The following CD300A variants were observed in gnomAD, a reference collection of about 807,000 sequenced individuals.
CD300A encodes the protein CMRF35-like molecule 8.
A neutral mutation model predicts 33.6 loss-of-function variants in CD300A; 22 were observed. The observed-to-expected ratio is 0.66, with a 90% CI of 0.47 to 0.94. The LOEUF is 0.94. CD300A is among the 40% of genes least tolerant of loss of function. The pLI, the probability that CD300A is intolerant of heterozygous loss-of-function variation, is 0.00. For synonymous variants in CD300A, 136 were observed against 148.1 expected (o/e 0.92, Z 0.59); for missense variants, 326 against 360.5 (o/e 0.90, Z 0.77).
chr17:74,466,974 A>T, intron 1 of CD300A: 1 of 1,407,850 alleles, frequency 7.1e-7, no homozygotes, highest in Non-Finnish European at 9.2e-7. Flanking sequence ...GCTGAACCAC[A>T]GCGGGGCAAG....
At chr17:74,468,665 A>T (rs767542074) in intron 1 of CD300A, among the ~76,000 whole-genome samples, 1 of 151,542 alleles carries the variant, frequency 6.6e-6, no homozygotes, top group Non-Finnish European at 1.5e-5. Context: ...ATTTTTATTT[A>T]TTTTTTTGGA....
Position 74,466,761 on chromosome 17 carries a change from C to T in CD300A, c.40+18C>T, listed in dbSNP as rs1905735207. 6 of 1,581,296 alleles carry T rather than the reference C, an allele frequency of 3.8e-6. No individual in the cohort carries two copies. The highest frequency in any genetic ancestry group is 3.5e-5 in the South Asian group (3 of 86,678). Reference sequence around the variant, plus strand: ...GGTCCCAGGTGAGAGTTTCCCTTCCCGGGAAAGTCTGCGGCAGGGAGGGAG... The same window carrying T: ...GGTCCCAGGTGAGAGTTTCCCTTCCTGGGAAAGTCTGCGGCAGGGAGGGAG... On this transcript the variant is annotated intron_variant, in intron 1 of 6. Coordinates refer to ENST00000360141, the MANE Select transcript of CD300A (RefSeq NM_007261.4).
At chr17:74,476,854 C>A (rs902420039) in intron 3 of CD300A, among the ~76,000 whole-genome samples, 16 of 152,086 alleles carry the variant, frequency 1.1e-4, no homozygotes, top group Non-Finnish European at 1.5e-5. Context: ...CTAAGTAAAA[C>A]CAGAATAGTG....
chr17:74,469,688 G>C (rs1201798788), intron 1 of CD300A, among the ~76,000 whole-genome samples: 1 of 152,132 alleles, frequency 6.6e-6, no homozygotes, highest in Non-Finnish European at 1.5e-5. Flanking sequence ...GCCAGGCATG[G>C]TAGTGTGCAC....
chr17:74,466,762 G>A lies in CD300A; in HGVS notation c.40+19G>A, dbSNP rs1010996004. On this transcript the variant is annotated intron_variant, in intron 1 of 6. Coordinates refer to ENST00000360141, the MANE Select transcript of CD300A (RefSeq NM_007261.4). ...GTCCCAGGTGAGAGTTTCCCTTCCCGGGAAAGTCTGCGGCAGGGAGGGAGG... is the reference window on the plus strand; with the variant it reads ...GTCCCAGGTGAGAGTTTCCCTTCCCAGGAAAGTCTGCGGCAGGGAGGGAGG... 3 of 1,580,076 alleles carry A rather than the reference G, an allele frequency of 1.9e-6. No homozygotes were observed. The highest frequency in any genetic ancestry group is 1.3e-5 in the African/African-American group (1 of 74,404).
Position 74,484,235 on chromosome 17 carries a change from C to A in CD300A, c.*109C>A. ...CTCAGCCTGCCCTCGACAACAGTGA[C>A]CAACAGACAGGCAGCTGGGTTTCCC... On this transcript the variant is annotated 3_prime_UTR_variant, in exon 7 of 7. Transcript: ENST00000360141. The A allele has an allele frequency of 8.2e-7, 1 of 1,225,626 alleles. No homozygotes were observed. The highest frequency in any genetic ancestry group is 1.1e-6 in the Non-Finnish European group (1 of 877,456). The allele number at this position is 1,225,626 out of a possible 1,614,324, so 75.9% of individuals were successfully genotyped here.
chr17:74,474,466 G>A, intron 2 of CD300A, 66 bp from the exon 3 acceptor site: 1 of 1,536,076 alleles, frequency 6.5e-7, no homozygotes. Flanking sequence ...AAACCAAAAA[G>A]GCATCCTGAG....
intron 1 of CD300A, 196 bp downstream of exon 1, chr17:74,466,939 C>T: frequency 2.8e-6 from 4 of 1,442,448 alleles, no homozygotes; most frequent in South Asian, 2.9e-5. Flanking sequence ...CAGGGCCTCT[C>T]CCGGCTCTGC....
intron 1 of CD300A, among the ~76,000 whole-genome samples, chr17:74,469,780 A>G (rs1905972226): frequency 6.6e-6 from 1 of 152,182 alleles, no homozygotes; most frequent in Admixed American, 6.5e-5. Flanking sequence ...AGCCGAGATC[A>G]TGCCACTGAG....
rs1410796723 is a variant in CD300A at position 74,472,186 on chromosome 17, C to T, written c.41-1350C>T. Among the ~76,000 whole-genome samples the T allele has an allele frequency of 2.0e-5, 3 of 150,408 alleles. No homozygotes were observed. The East Asian group carries it at 5.9e-4, about 29-fold the overall frequency. On this transcript the variant is annotated intron_variant, in intron 1 of 6. Coordinates refer to ENST00000360141, the MANE Select transcript of CD300A (RefSeq NM_007261.4). ...CCGGGAGGCAGAGGTTGCAATGAGC[C>T]GAGATCCCGCCACTGCACTCCAGCC...
At chr17:74,483,929 T>C (rs1439877107) in intron 6 of CD300A, 72 bp from the exon 7 acceptor site, 6 of 1,569,382 alleles carry the variant, frequency 3.8e-6, no homozygotes, top group Non-Finnish European at 5.2e-6. Flanking sequence ...TCCTCCCTCC[T>C]CCATCCTATG....
intron 1 of CD300A, among the ~76,000 whole-genome samples, chr17:74,468,049 T>TTTA (rs1567976584): frequency 8.8e-5 from 9 of 102,722 alleles, no homozygotes; most frequent in African/African-American, 3.1e-4. Flanking sequence ...TTATTTATTT[T>TTTA]TTGAGATGGA....
intron 4 of CD300A, among the ~76,000 whole-genome samples, chr17:74,477,930 C>T (rs1195157446): frequency 6.6e-6 from 1 of 152,168 alleles, no homozygotes; most frequent in East Asian, 1.9e-4. Context: ...CAACAAGGCT[C>T]CCGTGTCTAT....
intron 4 of CD300A, among the ~76,000 whole-genome samples, chr17:74,478,218 C>T (rs1039378355): frequency 6.6e-6 from 1 of 152,206 alleles, no homozygotes; most frequent in Non-Finnish European, 1.5e-5. Flanking sequence ...TCTCTGGGAC[C>T]TTTTCTTTGA....
At chr17:74,469,846 T>C (rs1029162150) in intron 1 of CD300A, 2 of 496,376 alleles carry the variant, frequency 4.0e-6, no homozygotes, top group Admixed American at 1.3e-4. Flanking sequence ...AATAAAATAA[T>C]TAATCATTTA....
intron 1 of CD300A, among the ~76,000 whole-genome samples, chr17:74,470,402 A>G (rs565518311): frequency 6.6e-6 from 1 of 152,232 alleles, no homozygotes; most frequent in South Asian, 2.1e-4. Flanking sequence ...AGAGAAAGAG[A>G]GAGAGCTAGA....
chr17:74,477,652 A>T, intron 4 of CD300A, 122 bp downstream of exon 4: 1 of 622,158 alleles, frequency 1.6e-6, no homozygotes, highest in Non-Finnish European at 2.9e-6. Context: ...CACCCAGACC[A>T]CACATCCTAG....
Position 74,469,169 on chromosome 17 carries a change from CT to C in CD300A, c.40+2435del, listed in dbSNP as rs533604147. On this transcript the variant is annotated intron_variant, in intron 1 of 6. Coordinates refer to ENST00000360141, the MANE Select transcript of CD300A (RefSeq NM_007261.4). ...TTGTAAAACTGTCTGAGTTTTGCTT[CT>C]TTTTTTTTGATGGAAGGGAAAGAAT... Among the ~76,000 whole-genome samples the C allele has an allele frequency of 1.8e-4, 27 of 150,432 alleles. No individual in the cohort carries two copies. In the East Asian group the frequency reaches 3.9e-3, roughly 22 times the overall value.
intron 4 of CD300A, among the ~76,000 whole-genome samples, chr17:74,479,843 A>C (rs1906715762): frequency 6.6e-6 from 1 of 151,058 alleles, no homozygotes; most frequent in African/African-American, 2.4e-5. Flanking sequence ...CCTACTCCCC[A>C]CTCTTTCCCC....
Sources: allele counts gnomAD v4.1 joint callset (sites outside exome capture counted in the v4.1 genomes callset), GRCh38; gene constraint gnomAD v4.1.1; transcripts MANE v1.5; gene names NCBI Gene and HGNC (gene_info 2026-07-23, HGNC 2026-07-21).